Variants in PLOD2 observed in about 807,000 individuals in gnomAD.
PLOD2 encodes the protein lysine hydroxylase 2.
In PLOD2, 65 loss-of-function variants were observed where a neutral mutation model predicts 101.0. That is an observed-to-expected ratio of 0.64 (90% CI 0.53 to 0.79). The LOEUF is 0.79. Ranked by LOEUF, PLOD2 falls within the 30% of genes least tolerant of loss-of-function variation. PLOD2 has a pLI of 0.00. For synonymous variants in PLOD2, 314 were observed against 302.9 expected, an observed-to-expected ratio of 1.04 and a Z score of -0.38; for missense variants, 909 against 914.6, an observed-to-expected ratio of 0.99 and a Z score of 0.08.
At chr3:146,096,882 G>GCGGGGA (rs1937191546) in intron 7 of PLOD2, among the ~76,000 whole-genome samples, 1 of 76,268 alleles carries the variant, frequency 1.3e-5, no homozygotes, top group Non-Finnish European at 2.8e-5. Context: ...GAGGGAGGTG[G>GCGGGGA]GGGGGGGGAG....
intron 1 of PLOD2, among the ~76,000 whole-genome samples, chr3:146,154,877 A>C (rs895194609): frequency 3.3e-5 from 5 of 152,238 alleles, no homozygotes; most frequent in Non-Finnish European, 7.3e-5. Context: ...AAGAAAACCA[A>C]ATTAAAATTA....
At chr3:146,100,652 A>G (rs1040966708) in intron 7 of PLOD2, among the ~76,000 whole-genome samples, 3 of 152,204 alleles carry the variant, frequency 2.0e-5, no homozygotes, top group Admixed American at 6.5e-5. Context: ...TGCAAAGTTG[A>G]AAGTAATGTA....
intron 1 of PLOD2, among the ~76,000 whole-genome samples, chr3:146,146,443 T>C (rs543331229): frequency 6.6e-6 from 1 of 152,268 alleles, no homozygotes; most frequent in East Asian, 1.9e-4. Context: ...GTCAGAAGGA[T>C]ACGGTTTACC....
intron 17 of PLOD2, 41 bp downstream of exon 17, chr3:146,072,520 C>A: frequency 8.4e-7 from 1 of 1,186,258 alleles, no homozygotes; most frequent in South Asian, 1.2e-5. Flanking sequence ...CTACTTAACC[C>A]CCACATACAT....
rs533851267 is a variant in PLOD2 at position 146,110,143 on chromosome 3, T to G, written c.502+142A>C. The G allele has an allele frequency of 6.9e-6, 5 of 721,144 alleles. No homozygotes were observed. In the South Asian group the frequency reaches 8.5e-5, roughly 12 times the overall value. The allele number at this position is 721,144 out of a possible 1,614,324, so 44.7% of individuals were successfully genotyped here. On this transcript the variant is annotated intron_variant, in intron 4 of 19. Coordinates refer to ENST00000282903, the MANE Select transcript of PLOD2 (RefSeq NM_182943.3). ...TAGGAACACCAACTCACATAATACA[T>G]GGGAAAATGCTTTGTCAATATACTA...
At chr3:146,158,992 TA>T (rs1339176111) in intron 1 of PLOD2, among the ~76,000 whole-genome samples, 1 of 152,212 alleles carries the variant, frequency 6.6e-6, no homozygotes, top group Non-Finnish European at 1.5e-5. Context: ...TTGAAACTTG[TA>T]AAGAATAAAA....
intron 1 of PLOD2, among the ~76,000 whole-genome samples, chr3:146,126,244 A>G (rs1576615008): frequency 6.6e-6 from 1 of 152,300 alleles, no homozygotes. Context: ...TCACAAATAC[A>G]TAATTTTGTT....
chr3:146,123,297 G>C, intron 2 of PLOD2: 1 of 1,174,506 alleles, frequency 8.5e-7, no homozygotes, highest in South Asian at 1.6e-5. Flanking sequence ...CTTATTTGTA[G>C]AAAAGACTTG....
intron 1 of PLOD2, among the ~76,000 whole-genome samples, chr3:146,134,147 T>C (rs1383021736): frequency 1.3e-5 from 2 of 152,150 alleles, no homozygotes; most frequent in East Asian, 3.9e-4. Context: ...CTCTATATGA[T>C]TTTAGTGGAA....
At chr3:146,105,571 A>T (rs953678979) in intron 5 of PLOD2, among the ~76,000 whole-genome samples, 4 of 152,232 alleles carry the variant, frequency 2.6e-5, no homozygotes, top group Non-Finnish European at 5.9e-5. Context: ...TTTTCAAATT[A>T]AAAACTGTCT....
chr3:146,094,311 C>A (rs1249034163), intron 7 of PLOD2, among the ~76,000 whole-genome samples: 2 of 152,188 alleles, frequency 1.3e-5, no homozygotes, highest in Non-Finnish European at 2.9e-5. Flanking sequence ...AAATTCACAT[C>A]TCTATTTTTA....
At chr3:146,085,015 A>T (rs1936704070) in intron 11 of PLOD2, among the ~76,000 whole-genome samples, 154 bp downstream of exon 11, 1 of 152,148 alleles carries the variant, frequency 6.6e-6, no homozygotes, top group African/African-American at 2.4e-5. Context: ...ACTCCTTTAA[A>T]TGAAAAATAA....
intron 1 of PLOD2, among the ~76,000 whole-genome samples, chr3:146,136,624 A>C (rs544366627): frequency 3.9e-5 from 6 of 152,276 alleles, no homozygotes; most frequent in African/African-American, 1.4e-4. Flanking sequence ...ATAATATTAC[A>C]ATGGAGCTGA....
Position 146,110,286 on chromosome 3 carries a change from T to C in PLOD2, c.501A>G (p.Gly167=). 1 of 1,613,096 alleles carries C rather than the reference T, an allele frequency of 6.2e-7. No homozygotes were observed. The highest frequency in any genetic ancestry group is 8.5e-7 in the Non-Finnish European group (1 of 1,179,186). ...VHIGKRYLNS[G]GFIGYAPYVN... Reference sequence around the variant, plus strand: ...CTTTTCTTCCAGTATCTAACTCACCTCCTGAATTCAGATAGCGTTTCCCAA... The same window carrying C: ...CTTTTCTTCCAGTATCTAACTCACCCCCTGAATTCAGATAGCGTTTCCCAA... The change falls in exon 4 of 20, where the codon GGA becomes GGG. Residue 167 remains glycine, a splice_region_variant and synonymous_variant. Transcript: ENST00000282903.
intron 3 of PLOD2, among the ~76,000 whole-genome samples, chr3:146,116,331 G>A (rs1937905381): frequency 6.6e-6 from 1 of 151,342 alleles, no homozygotes; most frequent in Admixed American, 6.6e-5. Context: ...AACAGATTAT[G>A]ATAAAATCAC....
intron 7 of PLOD2, 44 bp from the exon 8 acceptor site, chr3:146,091,945 A>G (rs2108029909): frequency 1.0e-6 from 1 of 1,004,788 alleles, no homozygotes; most frequent in African/African-American, 1.6e-5. Flanking sequence ...CAGGCCTCTC[A>G]TCGGTGTGGT....
At chr3:146,078,472 A>G (rs937574589) in intron 13 of PLOD2, among the ~76,000 whole-genome samples, 2 of 151,874 alleles carry the variant, frequency 1.3e-5, no homozygotes, top group African/African-American at 4.8e-5. Flanking sequence ...AAAACCAAAA[A>G]TCATATCAAT....
At chr3:146,148,080 A>C (rs962517205) in intron 1 of PLOD2, among the ~76,000 whole-genome samples, 1 of 151,796 alleles carries the variant, frequency 6.6e-6, no homozygotes, top group African/African-American at 2.4e-5. Context: ...AGAGTCCTGC[A>C]GTGTAGACTA....
At chr3:146,101,738 T>C (rs1171875641) in intron 7 of PLOD2, among the ~76,000 whole-genome samples, 4 of 152,136 alleles carry the variant, frequency 2.6e-5, no homozygotes, top group African/African-American at 9.7e-5. Flanking sequence ...GTTGGCTTGG[T>C]TTGGTTTCAT....
Sources: allele counts gnomAD v4.1 joint callset (sites outside exome capture counted in the v4.1 genomes callset), GRCh38; gene constraint gnomAD v4.1.1; transcripts MANE v1.5; gene names NCBI Gene and HGNC (gene_info 2026-07-23, HGNC 2026-07-21).